The following GPT2 variants were observed in gnomAD, a reference collection of about 807,000 sequenced individuals.
GPT2 encodes the protein alanine aminotransferase 2.
Under a neutral mutation model 56.9 loss-of-function variants are expected in GPT2, and 30 were observed. That is an observed-to-expected ratio of 0.53 (90% CI 0.39 to 0.72). The LOEUF (loss-of-function observed/expected upper bound fraction) is 0.72, where lower values mean the gene tolerates loss of function less well. GPT2 is among the 30% of genes least tolerant of loss of function. GPT2 has a pLI of 0.00. For synonymous variants in GPT2, 271 were observed against 283.1 expected (o/e 0.96, Z 0.43); for missense variants, 542 against 703.4 (o/e 0.77, Z 2.60).
intron 2 of GPT2, among the ~76,000 whole-genome samples, chr16:46,887,245 G>A (rs548571857): frequency 6.6e-6 from 1 of 152,154 alleles, no homozygotes; most frequent in Non-Finnish European, 1.5e-5. Flanking sequence ...AAAGTGGGTG[G>A]ATCACCTGAG....
chr16:46,897,267 G>A (rs1406630815), intron 2 of GPT2, among the ~76,000 whole-genome samples: 1 of 152,130 alleles, frequency 6.6e-6, no homozygotes, highest in African/African-American at 2.4e-5. Flanking sequence ...CAGCTACTCG[G>A]GAGGCTGAGG....
Position 46,928,779 on chromosome 16 carries a change from G to A in GPT2, c.1482-128G>A, listed in dbSNP as rs193289595. The A allele has an allele frequency of 6.4e-4, 446 of 696,526 alleles. 1 individual carries two copies. The highest frequency in any genetic ancestry group is 9.9e-4 in the Non-Finnish European group (380 of 383,462). 43.1% of individuals were successfully genotyped at this position (696,526 alleles called of 1,614,324 possible). A position where few individuals can be genotyped will look rare whatever the true frequency, so the allele number is the denominator to read the frequency against. On this transcript the variant is annotated intron_variant, in intron 11 of 11. Coordinates refer to ENST00000340124, the MANE Select transcript of GPT2 (RefSeq NM_133443.4). The stretch of plus-strand genomic sequence containing the variant: ...GTGGTCCAAGTGCTGGGTGCTGTCC[G>A]GGCTGGAGCTGTCGAAGCAGACCAG...
chr16:46,892,027 A>G (rs1388346553), intron 2 of GPT2, among the ~76,000 whole-genome samples: 1 of 152,078 alleles, frequency 6.6e-6, no homozygotes, highest in Non-Finnish European at 1.5e-5. Context: ...AAAATGTGTC[A>G]TCTTACAACT....
chr16:46,886,263 T>C (rs917494770), intron 2 of GPT2, among the ~76,000 whole-genome samples: 1 of 152,206 alleles, frequency 6.6e-6, no homozygotes, highest in African/African-American at 2.4e-5. Context: ...CTGGCCCTCC[T>C]TGACGCAACA....
chr16:46,893,585 A>G lies in GPT2; in HGVS notation c.244-4063A>G, dbSNP rs574999978. Among the ~76,000 whole-genome samples, 7 of 152,168 alleles carry G rather than the reference A, an allele frequency of 4.6e-5. No homozygotes were observed. In the East Asian group the frequency reaches 1.4e-3, roughly 29 times the overall value. On this transcript the variant is annotated intron_variant, in intron 2 of 11. Coordinates refer to ENST00000340124, the MANE Select transcript of GPT2 (RefSeq NM_133443.4). ...GAATATCCATCCGCCCCTGACCCTC[A>G]TGCTGGTGCGAGGCCTGTGGGTTGG...
At chr16:46,919,514 T>G (rs959160983) in intron 8 of GPT2, among the ~76,000 whole-genome samples, 1 of 152,150 alleles carries the variant, frequency 6.6e-6, no homozygotes. Flanking sequence ...GCAAAGACCC[T>G]GTGGTAGCAG....
At chr16:46,898,473 A>C (rs1960728332) in intron 3 of GPT2, among the ~76,000 whole-genome samples, 1 of 152,252 alleles carries the variant, frequency 6.6e-6, no homozygotes, top group Non-Finnish European at 1.5e-5. Context: ...AGGGCAGGAC[A>C]GAGGCGGGAG....
chr16:46,917,101 G>C (rs1317304452), intron 7 of GPT2, among the ~76,000 whole-genome samples: 2 of 152,128 alleles, frequency 1.3e-5, no homozygotes, highest in African/African-American at 4.8e-5. Flanking sequence ...GAGATTCCCA[G>C]CCTAGAAAGA....
In GPT2 at chr16:46,913,147, C is replaced by T. The variant is rs540761440; in HGVS notation, c.820+3220C>T. On this transcript the variant is annotated intron_variant, in intron 6 of 11. Transcript: ENST00000340124. The stretch of plus-strand genomic sequence containing the variant: ...CTGGCTCAGCGGGCATGCTCTGAGG[C>T]GCTGGAGAGAACTAAGTTCTGCCCT... 6.6e-5 allele frequency among the ~76,000 whole-genome samples: 10 copies of T among 152,304 alleles called. No individual in the cohort carries two copies. The East Asian group carries it at 1.7e-3, about 26-fold the overall frequency.
In GPT2 at chr16:46,926,986, G is replaced by A; in HGVS notation, c.1430G>A (p.Cys477Tyr). 6.2e-7 allele frequency: 1 copy of A among 1,609,876 alleles called. No individual in the cohort carries two copies. Among genetic ancestry groups the A allele is most frequent in the Non-Finnish European group, 8.5e-7 (1 of 1,178,304 alleles). ...AAGCTCCTGGAGGAGACTGGCATCTGTGTCGTGCCCGGCAGTGGCTTTGGG... is the reference window on the plus strand; with the variant it reads ...AAGCTCCTGGAGGAGACTGGCATCTATGTCGTGCCCGGCAGTGGCTTTGGG... ...CMKLLEETGICVVPGSGFGQR... is the reference protein window; with the variant it reads ...CMKLLEETGIYVVPGSGFGQR... Residue 477 changes from cysteine to tyrosine, a missense_variant, in exon 11 of 12, where the codon TGT becomes TAT. Physicochemically the swap from Cys to Tyr is radical, Grantham distance 194. Coordinates refer to ENST00000340124, the MANE Select transcript of GPT2 (RefSeq NM_133443.4).
At chr16:46,895,394 G>C (rs1960666664) in intron 2 of GPT2, among the ~76,000 whole-genome samples, 1 of 151,948 alleles carries the variant, frequency 6.6e-6, no homozygotes, top group African/African-American at 2.4e-5. Context: ...GTGTGGTGAT[G>C]CTTATCTGTA....
Position 46,897,529 on chromosome 16 carries a change from T to C in GPT2, c.244-119T>C, listed in dbSNP as rs924310519. 3 of 853,974 alleles carry C rather than the reference T, an allele frequency of 3.5e-6. No homozygotes were observed. The Admixed American group carries it at 6.7e-5, about 19-fold the overall frequency. The allele number at this position is 853,974 out of a possible 1,614,324, so 52.9% of individuals were successfully genotyped here. A position where few individuals can be genotyped will look rare whatever the true frequency, so the allele number is the denominator to read the frequency against. ...GTCAAAGGCCTGGCACCAAGTCAGA[T>C]ACTTGGTAAGCCTCAAAATAGGGCT... On this transcript the variant is annotated intron_variant, in intron 2 of 11. Coordinates refer to ENST00000340124, the MANE Select transcript of GPT2 (RefSeq NM_133443.4).
In GPT2 at chr16:46,926,981, C is replaced by T. The variant is rs1805700698; in HGVS notation, c.1425C>T (p.Gly475=). The T allele has an allele frequency of 6.2e-7, 1 of 1,609,756 alleles. No individual in the cohort carries two copies. The highest frequency in any genetic ancestry group is 8.5e-7 in the Non-Finnish European group (1 of 1,178,258). The part of the protein sequence containing the change: ...FYCMKLLEET[G]ICVVPGSGFG... ...GCATGAAGCTCCTGGAGGAGACTGGCATCTGTGTCGTGCCCGGCAGTGGCT... is the reference window on the plus strand; with the variant it reads ...GCATGAAGCTCCTGGAGGAGACTGGTATCTGTGTCGTGCCCGGCAGTGGCT... Residue 475 remains glycine (G), a synonymous_variant, in exon 11 of 12, where the codon GGC becomes GGT. Transcript: ENST00000340124.
intron 6 of GPT2, among the ~76,000 whole-genome samples, chr16:46,911,015 C>T (rs985018407): frequency 1.3e-5 from 2 of 152,018 alleles, no homozygotes; most frequent in Non-Finnish European, 2.9e-5. Context: ...CTCATTTTAC[C>T]GTCACTCTTC....
In GPT2 at chr16:46,884,976, C is replaced by T. The variant is rs560666354; in HGVS notation, c.243+18C>T. On this transcript the variant is annotated intron_variant, in intron 2 of 11. Coordinates refer to ENST00000340124, the MANE Select transcript of GPT2 (RefSeq NM_133443.4). ...TGCAGCGGGTGAGCGCGCGCTGGGC[C>T]CCGGGGAGGCTGGGGCCGCTGAGCA... 26 of 1,465,640 alleles carry T rather than the reference C, an allele frequency of 1.8e-5. No individual in the cohort carries two copies. 90.8% of individuals were successfully genotyped at this position (1,465,640 alleles called of 1,614,324 possible).
Position 46,884,805 on chromosome 16 carries a change from G to C in GPT2, c.90G>C (p.Glu30Asp). The change falls in exon 2 of 12, where the codon GAG (glutamate) becomes GAC (aspartate). Residue 30 changes from glutamate to aspartate, a missense_variant. By Grantham distance (45) the Glu-to-Asp change is conservative. Transcript: ENST00000340124. ...WGRSQSSAAA[E>D]ASAVLKVRPE... ...GCAGCCAGAGCAGCGCGGCCGCCGAGGCCTCGGCGGTGCTCAAGGTGCGGC... is the reference window on the plus strand; with the variant it reads ...GCAGCCAGAGCAGCGCGGCCGCCGACGCCTCGGCGGTGCTCAAGGTGCGGC... 6.6e-7 allele frequency: 1 copy of C among 1,522,060 alleles called. No individual in the cohort carries two copies. Among genetic ancestry groups the C allele is most frequent in the Non-Finnish European group, 8.8e-7 (1 of 1,134,900 alleles). 94.3% of individuals were successfully genotyped at this position (1,522,060 alleles called of 1,614,324 possible).
rs34068415 is a variant in GPT2, at chr16:46,924,397, G to A, written c.1221G>A (p.Glu407=). Reference sequence around the variant, plus strand: ...TTTCCATCTCTCATCAGGAGAAGGAGTCGGTCCTGGGTAATCTGGCCAAAA... The same window carrying A: ...TTTCCATCTCTCATCAGGAGAAGGAATCGGTCCTGGGTAATCTGGCCAAAA... The part of the protein sequence containing the change: ...ESFEQFSREK[E]SVLGNLAKKA... Residue 407 remains glutamate (E), a synonymous_variant, in exon 10 of 12, where the codon GAG becomes GAA. Transcript: ENST00000340124. 6.8e-3 allele frequency: 11,044 copies of A among 1,614,166 alleles called. 631 individuals carry two copies. In the African/African-American group the frequency reaches 0.13, roughly 19 times the overall value.
chr16:46,897,824 A>C (rs1233501503), intron 3 of GPT2, 87 bp downstream of exon 3: 1 of 1,122,474 alleles, frequency 8.9e-7, no homozygotes, highest in Non-Finnish European at 1.3e-6. Context: ...TGCCCCCTCG[A>C]TGTCCAGGCC....
At chr16:46,898,872 A>G (rs912946184) in intron 3 of GPT2, among the ~76,000 whole-genome samples, 43 of 136,574 alleles carry the variant, frequency 3.1e-4, no homozygotes, top group Middle Eastern at 3.8e-3. Flanking sequence ...ATTTATATAC[A>G]TATATATATA....
Sources: gnomAD v4.1 joint callset for allele counts (sites outside exome capture counted in the v4.1 genomes callset) on GRCh38, gnomAD v4.1.1 for gene constraint, MANE v1.5 for transcripts, NCBI Gene and HGNC (gene_info 2026-07-23, HGNC 2026-07-21) for gene names.